RFTN2: variants seen among roughly 807,000 people sequenced by gnomAD.
RFTN2 encodes the protein raftlin family member 2.
RFTN2 carries 34 observed loss-of-function variants against 52.7 expected under a neutral mutation model. The observed-to-expected ratio is 0.64, with a 90% CI of 0.49 to 0.86. RFTN2 has a LOEUF of 0.86. RFTN2 is among the 40% of genes least tolerant of loss of function. The pLI, the probability that RFTN2 is intolerant of heterozygous loss-of-function variation, is 0.00. For missense variants in RFTN2, 536 were observed against 600.1 expected (o/e 0.89, Z 1.12); for synonymous variants, 203 against 217.7 (o/e 0.93, Z 0.59).
At chr2:197,635,746 A>G (rs1247987448) in intron 3 of RFTN2, among the ~76,000 whole-genome samples, 9 of 146,520 alleles carry the variant, frequency 6.1e-5, no homozygotes, top group Non-Finnish European at 1.2e-4. Context: ...GTTTAATTAG[A>G]TCCCATTTGT....
chr2:197,644,097 G>T, intron 3 of RFTN2, 61 bp downstream of exon 3: 2 of 944,958 alleles, frequency 2.1e-6, no homozygotes, highest in Non-Finnish European at 3.5e-6. Flanking sequence ...AAAGGGAATT[G>T]ATGAAGATGA....
At chr2:197,577,070 C>G (rs946914671) in intron 8 of RFTN2, among the ~76,000 whole-genome samples, 1 of 152,196 alleles carries the variant, frequency 6.6e-6, no homozygotes, top group Admixed American at 6.5e-5. Context: ...TACCCCTGCT[C>G]ATTTGGAGTT....
chr2:197,578,434 G>T (rs1438723912), intron 8 of RFTN2, among the ~76,000 whole-genome samples: 1 of 152,028 alleles, frequency 6.6e-6, no homozygotes, highest in African/African-American at 2.4e-5. Flanking sequence ...GCCCAAGCCT[G>T]CATGTATACA....
intron 8 of RFTN2, among the ~76,000 whole-genome samples, chr2:197,575,364 TG>T (rs1276739505): frequency 2.6e-5 from 4 of 152,236 alleles, no homozygotes; most frequent in Non-Finnish European, 5.9e-5. Context: ...TAATTCAGAC[TG>T]AGTTTATTTT....
chr2:197,625,702 T>TCCTCTCCTCTCCTCTCTTCA (rs2088345378), intron 5 of RFTN2, among the ~76,000 whole-genome samples: 2 of 124,004 alleles, frequency 1.6e-5, no homozygotes, highest in Non-Finnish European at 3.4e-5. Flanking sequence ...TCCTCTCCTC[T>TCCTCTCCTCTCCTCTCTTCA]CCTCTCCTCT....
chr2:197,654,058 A>G (rs1295854797), intron 1 of RFTN2, among the ~76,000 whole-genome samples: 1 of 152,238 alleles, frequency 6.6e-6, no homozygotes, highest in African/African-American at 2.4e-5. Flanking sequence ...CTAGCTAGAT[A>G]ATGTTATTTG....
At chr2:197,591,117 T>G (rs2087705182) in intron 8 of RFTN2, among the ~76,000 whole-genome samples, 3 of 152,212 alleles carry the variant, frequency 2.0e-5, no homozygotes, top group Admixed American at 2.0e-4. Context: ...ATCCCTGAGC[T>G]AGACACAAAA....
intron 8 of RFTN2, 66 bp downstream of exon 8, chr2:197,595,925 A>C (rs1308231555): frequency 3.7e-6 from 4 of 1,094,798 alleles, no homozygotes; most frequent in Non-Finnish European, 5.5e-6. Flanking sequence ...TTGGAATTAC[A>C]ATGAGAGTTT....
At position 197,570,931 on chromosome 2, in the gene RFTN2, G is replaced by A. The variant is rs2087306181; in HGVS notation, c.*1077C>T. On this transcript the variant is annotated 3_prime_UTR_variant, in exon 9 of 9. Coordinates refer to ENST00000295049, the MANE Select transcript of RFTN2 (RefSeq NM_144629.3). ...TCACTTGGAGGTTCCATCTTTCAAAGTAAGCCTTTCATAGATAAATGAAAA... is the reference window on the plus strand; with the variant it reads ...TCACTTGGAGGTTCCATCTTTCAAAATAAGCCTTTCATAGATAAATGAAAA... 6.6e-6 allele frequency: 1 copy of A among 152,226 alleles called. No homozygotes were observed. The highest frequency in any genetic ancestry group is 1.5e-5 in the Non-Finnish European group (1 of 68,032). The allele number at this position is 152,226 out of a possible 1,614,324, so 9.4% of individuals were successfully genotyped here. A position where few individuals can be genotyped will look rare whatever the true frequency, so the allele number is the denominator to read the frequency against.
chr2:197,653,000 T>A (rs140798626), intron 1 of RFTN2, among the ~76,000 whole-genome samples: 1 of 152,360 alleles, frequency 6.6e-6, no homozygotes, highest in Non-Finnish European at 1.5e-5. Context: ...AAGTTCTTTA[T>A]TGAGCAGACC....
At chr2:197,603,674 G>T (rs546957434) in intron 7 of RFTN2, among the ~76,000 whole-genome samples, 2 of 152,262 alleles carry the variant, frequency 1.3e-5, no homozygotes, top group South Asian at 4.1e-4. Flanking sequence ...CCAGCACTTT[G>T]GGAGGTGAGG....
intron 1 of RFTN2, among the ~76,000 whole-genome samples, chr2:197,670,683 A>G (rs926590819): frequency 1.1e-4 from 17 of 152,104 alleles, no homozygotes; most frequent in African/African-American, 4.1e-4. Context: ...TCAAAAAAAA[A>G]ATCTATTTCA....
Position 197,658,452 on chromosome 2 carries a change from G to GT in RFTN2, c.140-11787dup, listed in dbSNP as rs10596113. ...CACCATGCTAATATTTTGTATTATTGTTTTTTTTTTTTTTGGCAGAGGTGG... is the reference window on the plus strand; with the variant it reads ...CACCATGCTAATATTTTGTATTATTGTTTTTTTTTTTTTTTGGCAGAGGTGG... On this transcript the variant is annotated intron_variant, in intron 1 of 8. Coordinates refer to ENST00000295049, the MANE Select transcript of RFTN2 (RefSeq NM_144629.3). Among the ~76,000 whole-genome samples, 276 of 146,142 alleles carry GT rather than the reference G, an allele frequency of 1.9e-3. 1 individual carries two copies. The highest frequency in any genetic ancestry group is 4.0e-3 in the Admixed American group (58 of 14,654).
At chr2:197,662,032 A>G (rs2088984227) in intron 1 of RFTN2, among the ~76,000 whole-genome samples, 2 of 152,106 alleles carry the variant, frequency 1.3e-5, no homozygotes, top group African/African-American at 4.8e-5. Flanking sequence ...TATATTCTGG[A>G]TGTTAGTCCC....
chr2:197,643,470 C>T (rs1284039372), intron 3 of RFTN2, among the ~76,000 whole-genome samples: 1 of 152,174 alleles, frequency 6.6e-6, no homozygotes, highest in Non-Finnish European at 1.5e-5. Context: ...TATTAGTTCT[C>T]AGTTTTTATT....
At chr2:197,608,310 A>AT (rs753519789) in intron 7 of RFTN2, among the ~76,000 whole-genome samples, 23,604 of 132,202 alleles carry the variant, frequency 0.18, 2,281 homozygotes, top group Middle Eastern at 0.24. Context: ...TAGGGACCAG[A>AT]TTTTTTTTTT....
intron 7 of RFTN2, among the ~76,000 whole-genome samples, chr2:197,600,808 C>CTTCTGG (rs1190998651): frequency 6.6e-6 from 1 of 152,160 alleles, no homozygotes; most frequent in Non-Finnish European, 1.5e-5. Flanking sequence ...ATTTAAGAAT[C>CTTCTGG]TTCTGGTTCT....
chr2:197,672,866 G>A (rs1187582454), intron 1 of RFTN2, among the ~76,000 whole-genome samples: 1 of 152,100 alleles, frequency 6.6e-6, no homozygotes, highest in Non-Finnish European at 1.5e-5. Context: ...AAGGGAGAGG[G>A]AGAGAGACAG....
intron 7 of RFTN2, among the ~76,000 whole-genome samples, chr2:197,610,905 T>C (rs2088046417): frequency 6.6e-6 from 1 of 152,246 alleles, no homozygotes; most frequent in East Asian, 1.9e-4. Context: ...GTTTATGTGA[T>C]GGATTACATT....
Sources: allele counts gnomAD v4.1 joint callset (sites outside exome capture counted in the v4.1 genomes callset), GRCh38; gene constraint gnomAD v4.1.1; transcripts MANE v1.5; gene names NCBI Gene and HGNC (gene_info 2026-07-23, HGNC 2026-07-21).